Variants in MREG observed in about 807,000 individuals in gnomAD.
The protein encoded by MREG is dilute suppressor protein homolog.
In MREG, 31 loss-of-function variants were observed where a neutral mutation model predicts 28.5. The ratio of observed to expected loss-of-function variants is 1.09; its 90% CI spans 0.82 to 1.47. The LOEUF is 1.47. Among genes scored for constraint, MREG ranks in the 40% most tolerant of loss-of-function variants. The pLI, the probability that MREG is intolerant of heterozygous loss-of-function variation, is 0.00. For synonymous variants in MREG, 106 were observed against 95.2 expected (o/e 1.11, Z -0.66); for missense variants, 256 against 257.4 (o/e 0.99, Z 0.04).
At chr2:216,006,772 C>G (rs1410833270) in intron 1 of MREG, among the ~76,000 whole-genome samples, 4 of 152,190 alleles carry the variant, frequency 2.6e-5, no homozygotes, top group African/African-American at 7.2e-5. Flanking sequence ...AATGAAAAAC[C>G]CTACAAATGT....
intron 2 of MREG, among the ~76,000 whole-genome samples, chr2:215,994,014 A>G (rs1693791007): frequency 6.6e-6 from 1 of 152,006 alleles, no homozygotes; most frequent in East Asian, 1.9e-4. Context: ...CGATTCCTCA[A>G]GGATCTAGAA....
intron 2 of MREG, among the ~76,000 whole-genome samples, chr2:215,979,978 C>CA (rs5838560): frequency 0.78 from 111,355 of 143,328 alleles, 43,480 homozygotes; most frequent in Non-Finnish European, 0.86. Context: ...AACAAACAAA[C>CA]AAAAAAAAAA....
chr2:215,996,261 T>C (rs1693869664), intron 2 of MREG, 45 bp downstream of exon 2: 2 of 1,539,436 alleles, frequency 1.3e-6, no homozygotes, highest in Non-Finnish European at 1.7e-6. Flanking sequence ...TATTTTTTAC[T>C]ATATAGCATC....
Position 215,953,342 on chromosome 2 carries a change from G to A in MREG, c.256-6229C>T, listed in dbSNP as rs576181272. ...GCTGTATATTAGAATCACCCAGGGA[G>A]TGTTTTAAAATAGCCATGCATGGGA... On this transcript the variant is annotated intron_variant, in intron 2 of 4. Coordinates refer to ENST00000263268, the MANE Select transcript of MREG (RefSeq NM_018000.3). Among the ~76,000 whole-genome samples, 3 of 152,338 alleles carry A rather than the reference G, an allele frequency of 2.0e-5. No individual in the cohort carries two copies. The East Asian group carries it at 5.8e-4, about 29-fold the overall frequency.
At position 215,979,984 on chromosome 2, in the gene MREG, A is replaced by AC. The variant is rs371560258; in HGVS notation, c.255+16321_255+16322insG. Among the ~76,000 whole-genome samples the AC allele has an allele frequency of 1.9e-3, 279 of 149,828 alleles. 2 individuals carry two copies. Among genetic ancestry groups the AC allele is most frequent in the African/African-American group, 6.7e-3 (265 of 39,798 alleles). On this transcript the variant is annotated intron_variant, in intron 2 of 4. Transcript: ENST00000263268. ...TGTGAAAAAAACAAACAAACAAAAAAAAAAAACAAAAAAAACTAATGGAAA... is the reference window on the plus strand; with the variant it reads ...TGTGAAAAAAACAAACAAACAAAAAACAAAAAACAAAAAAAACTAATGGAAA...
At chr2:216,013,103 A>C (rs550874826) in intron 1 of MREG, 130 bp downstream of exon 1, 1 of 728,682 alleles carries the variant, frequency 1.4e-6, no homozygotes, top group South Asian at 1.7e-5. Flanking sequence ...CAAGGGGCTG[A>C]GATGGCGCCT....
chr2:216,017,624 C>T (rs183673217), upstream of MREG, among the ~76,000 whole-genome samples: 87 of 152,290 alleles, frequency 5.7e-4, no homozygotes, highest in African/African-American at 1.7e-3. Flanking sequence ...ACCTGATGTC[C>T]GGGAAGTAGG....
At chr2:215,976,289 C>G (rs1485018926) in intron 2 of MREG, among the ~76,000 whole-genome samples, 3 of 152,178 alleles carry the variant, frequency 2.0e-5, no homozygotes, top group African/African-American at 7.2e-5. Flanking sequence ...GTCTGGGTAT[C>G]TGCCCAGCCT....
intron 1 of MREG, among the ~76,000 whole-genome samples, chr2:215,999,773 C>T (rs78452274): frequency 0.011 from 1,653 of 152,248 alleles, 17 homozygotes; most frequent in African/African-American, 0.027. Context: ...GTGACGCCTT[C>T]AACTGTAACA....
chr2:216,023,376 A>G (rs1215854767), intron 1 of MREG, among the ~76,000 whole-genome samples: 1 of 152,250 alleles, frequency 6.6e-6, no homozygotes, highest in South Asian at 2.1e-4. Flanking sequence ...TAGAGCTTAA[A>G]GGGACATAGT....
chr2:216,028,482 C>G (rs371440338), intron 1 of MREG, among the ~76,000 whole-genome samples: 3 of 145,822 alleles, frequency 2.1e-5, no homozygotes, highest in African/African-American at 7.6e-5. Flanking sequence ...GAGCCGAGAT[C>G]GCGCCACTGC....
chr2:215,977,043 T>C (rs1693281020), intron 2 of MREG, among the ~76,000 whole-genome samples: 1 of 152,318 alleles, frequency 6.6e-6, no homozygotes, highest in South Asian at 2.1e-4. Context: ...TAACCTTAAA[T>C]GTAAATGGGC....
exon 1 of MREG, chr2:216,032,908 T>C (rs1428395189): frequency 1.3e-5 from 2 of 152,146 alleles, no homozygotes; most frequent in East Asian, 3.8e-4. Context: ...AGCAAAAAAC[T>C]AAAGCTCAAG....
intron 1 of MREG, among the ~76,000 whole-genome samples, chr2:216,001,667 G>A (rs766147492): frequency 8.5e-5 from 13 of 152,180 alleles, no homozygotes; most frequent in African/African-American, 2.7e-4. Flanking sequence ...GTGAAAATGC[G>A]CAGGGGCTGT....
chr2:215,967,722 T>A (rs966360097), intron 2 of MREG, among the ~76,000 whole-genome samples: 1 of 152,194 alleles, frequency 6.6e-6, no homozygotes, highest in Non-Finnish European at 1.5e-5. Context: ...GTGTGAGACA[T>A]CATTAGTAGC....
intron 2 of MREG, among the ~76,000 whole-genome samples, chr2:215,993,403 C>G (rs570610310): frequency 9.1e-4 from 138 of 152,150 alleles, no homozygotes; most frequent in Non-Finnish European, 1.5e-3. Flanking sequence ...TTCCTTATAC[C>G]TTACACAAAA....
chr2:215,940,522 T>C (rs1692185336), downstream of MREG, among the ~76,000 whole-genome samples: 1 of 152,216 alleles, frequency 6.6e-6, no homozygotes, highest in South Asian at 2.1e-4. Flanking sequence ...CTGCCATTAG[T>C]CGGATAACTC....
At chr2:216,013,790 G>A (rs1694381687), upstream of MREG, among the ~76,000 whole-genome samples, 1 of 152,108 alleles carries the variant, frequency 6.6e-6, no homozygotes, top group African/African-American at 2.4e-5. Flanking sequence ...TTCACTGCGC[G>A]AGGAAATTAA....
chr2:215,962,216 C>A (rs1199635098), intron 2 of MREG, among the ~76,000 whole-genome samples: 1 of 152,198 alleles, frequency 6.6e-6, no homozygotes, highest in Non-Finnish European at 1.5e-5. Flanking sequence ...CTGGTTTTAA[C>A]CAGATTAAGC....
Sources: gnomAD v4.1 joint callset for allele counts (sites outside exome capture counted in the v4.1 genomes callset) on GRCh38, gnomAD v4.1.1 for gene constraint, MANE v1.5 for transcripts, NCBI Gene and HGNC (gene_info 2026-07-23, HGNC 2026-07-21) for gene names.